The following LHX8 variants were observed in gnomAD, a reference collection of about 807,000 sequenced individuals.
LHX8 encodes LIM homeobox 8, also known as LIM/homeobox protein Lhx8.
LHX8 carries 12 observed loss-of-function variants against 40.3 expected under a neutral mutation model. The ratio of observed to expected loss-of-function variants is 0.30; its 90% CI spans 0.19 to 0.48. The LOEUF (loss-of-function observed/expected upper bound fraction) is 0.48. LHX8 is among the 20% of genes least tolerant of loss of function. The pLI, the probability that LHX8 is intolerant of heterozygous loss-of-function variation, is 0.99. For missense variants in LHX8, 344 were observed against 433.7 expected, an observed-to-expected ratio of 0.79 and a Z score of 1.84; for synonymous variants, 179 against 162.0, an observed-to-expected ratio of 1.10 and a Z score of -0.80.
rs1408381074 is a variant in LHX8 at position 75,136,595 on chromosome 1, C to T, written c.-12-8C>T. On this transcript the variant is annotated splice_region_variant and splice_polypyrimidine_tract_variant and intron_variant, in intron 1 of 8. Coordinates refer to ENST00000356261, the MANE Select transcript of LHX8 (RefSeq NM_001256114.2). Reference sequence around the variant, plus strand: ...TTCTCCATACTTTCTCCCCCTCCTACTCCGCAGTGTCAGGGGCTCATGTCA... The same window carrying T: ...TTCTCCATACTTTCTCCCCCTCCTATTCCGCAGTGTCAGGGGCTCATGTCA... 8 of 1,546,210 alleles carry T rather than the reference C, an allele frequency of 5.2e-6. No individual in the cohort carries two copies. The highest frequency in any genetic ancestry group is 1.7e-4 in the Middle Eastern group (1 of 6,010).
At chr1:75,187,854 T>C in the LHX8 span, among the ~76,000 whole-genome samples, 2 of 152,016 alleles carry the variant, frequency 1.3e-5, no homozygotes, top group African/African-American at 4.8e-5. Context: ...GGAGAAACAG[T>C]TGGACTAGAC....
the LHX8 span, among the ~76,000 whole-genome samples, chr1:75,174,997 A>G: frequency 1.3e-5 from 2 of 152,286 alleles, no homozygotes; most frequent in African/African-American, 4.8e-5. Context: ...AAATTCTATT[A>G]TATCATTCTT....
chr1:75,189,864 A>G, the LHX8 span, among the ~76,000 whole-genome samples: 3 of 152,222 alleles, frequency 2.0e-5, no homozygotes, highest in Non-Finnish European at 4.4e-5. Context: ...AATACTGAAT[A>G]TCGCCTAACA....
At chr1:75,179,151 G>T in the LHX8 span, among the ~76,000 whole-genome samples, 1 of 152,194 alleles carries the variant, frequency 6.6e-6, no homozygotes, top group Non-Finnish European at 1.5e-5. Context: ...ATATTCTGTT[G>T]ATTTGGGGTG....
At chr1:75,198,362 T>C in the LHX8 span, among the ~76,000 whole-genome samples, 2 of 152,166 alleles carry the variant, frequency 1.3e-5, no homozygotes, top group Non-Finnish European at 2.9e-5. Context: ...GTCCAGGTGC[T>C]GAAAGTCCTC....
intron 8 of LHX8, among the ~76,000 whole-genome samples, chr1:75,158,552 A>G (rs1281584924): frequency 6.6e-6 from 1 of 151,452 alleles, no homozygotes; most frequent in Non-Finnish European, 1.5e-5. Flanking sequence ...TTCATTTGGA[A>G]CTGAATTTTG....
chr1:75,179,029 T>C, the LHX8 span, among the ~76,000 whole-genome samples: 1 of 152,234 alleles, frequency 6.6e-6, no homozygotes, highest in Admixed American at 6.5e-5. Context: ...TGCAGTGTGG[T>C]CTGAGAGGCA....
intron 6 of LHX8, among the ~76,000 whole-genome samples, chr1:75,146,762 A>T (rs550803860): frequency 6.6e-6 from 1 of 152,274 alleles, no homozygotes; most frequent in African/African-American, 2.4e-5. Flanking sequence ...CAATCAACTC[A>T]TCTTACTTTT....
chr1:75,157,168 A>T, intron 8 of LHX8, 92 bp downstream of exon 8: 1 of 1,390,288 alleles, frequency 7.2e-7, no homozygotes, highest in Non-Finnish European at 1.0e-6. Context: ...ACATTTTGAA[A>T]TATTACCTCA....
downstream of LHX8, among the ~76,000 whole-genome samples, chr1:75,166,121 G>A (rs375520819): frequency 6.6e-5 from 10 of 152,332 alleles, no homozygotes; most frequent in African/African-American, 2.4e-4. Flanking sequence ...AGCACCAGAA[G>A]TTTGGCAAGC....
At chr1:75,130,452 G>T, upstream of LHX8, 1 of 570,162 alleles carries the variant, frequency 1.8e-6, no homozygotes, top group Non-Finnish European at 3.1e-6. Flanking sequence ...GGGTCTGCCC[G>T]CCAGTGGATT....
At chr1:75,173,604 G>C in the LHX8 span, among the ~76,000 whole-genome samples, 1 of 151,776 alleles carries the variant, frequency 6.6e-6, no homozygotes, top group Admixed American at 6.6e-5. Context: ...AGATGGTCTC[G>C]ATCTCGTGAC....
At position 75,136,664 on chromosome 1, in the gene LHX8, G is replaced by T. The variant is rs143612358; in HGVS notation, c.50G>T (p.Arg17Leu). ...RTTALAAGRT[R>L]KGAGEEGLVS... ...ACAGCCCTGGCGGCCGGGAGGACTC[G>T]CAAAGGCGCCGGGGAAGAGGGACTG... The change falls in exon 2 of 9, where the codon CGC becomes CTC. Residue 17 changes from arginine (R) to leucine (L), a missense_variant. Coordinates refer to ENST00000356261, the MANE Select transcript of LHX8 (RefSeq NM_001256114.2). 24 of 1,547,902 alleles carry T rather than the reference G, an allele frequency of 1.6e-5. No homozygotes were observed. The African/African-American group carries it at 2.9e-4, about 19-fold the overall frequency.
the LHX8 span, among the ~76,000 whole-genome samples, chr1:75,167,457 A>AG: frequency 6.6e-6 from 1 of 152,164 alleles, no homozygotes; most frequent in Non-Finnish European, 1.5e-5. Flanking sequence ...ATCTTTCACT[A>AG]GCTTTCCCTC....
intron 1 of LHX8, among the ~76,000 whole-genome samples, chr1:75,129,001 C>A (rs989472535): frequency 6.6e-6 from 1 of 152,136 alleles, no homozygotes; most frequent in Admixed American, 6.5e-5. Context: ...CCTTTGGTGG[C>A]TCCTCTACAT....
intron 8 of LHX8, among the ~76,000 whole-genome samples, chr1:75,158,532 A>G (rs970689185): frequency 6.6e-5 from 10 of 152,154 alleles, no homozygotes; most frequent in Non-Finnish European, 1.3e-4. Context: ...TTTGCTGTGT[A>G]GATTTACAAT....
chr1:75,135,548 A>G (rs1230073215), intron 1 of LHX8, among the ~76,000 whole-genome samples: 2 of 152,118 alleles, frequency 1.3e-5, no homozygotes, highest in African/African-American at 4.8e-5. Context: ...GTGCTTCCAG[A>G]GGGAGGGAGA....
the LHX8 span, among the ~76,000 whole-genome samples, chr1:75,187,161 T>C: frequency 6.6e-6 from 1 of 152,162 alleles, no homozygotes; most frequent in Admixed American, 6.5e-5. Flanking sequence ...GACATGAAGG[T>C]GGCTGAACCA....
downstream of LHX8, among the ~76,000 whole-genome samples, chr1:75,162,675 G>T (rs1295324054): frequency 6.6e-6 from 1 of 152,078 alleles, no homozygotes; most frequent in Non-Finnish European, 1.5e-5. Flanking sequence ...TATCAAAATA[G>T]ATGAGATTTA....
Sources: allele counts gnomAD v4.1 joint callset (sites outside exome capture counted in the v4.1 genomes callset), GRCh38; gene constraint gnomAD v4.1.1; transcripts MANE v1.5; gene names NCBI Gene and HGNC (gene_info 2026-07-23, HGNC 2026-07-21).